The following PTPRZ1 variants were observed in gnomAD, a reference collection of about 807,000 sequenced individuals.
PTPRZ1 encodes receptor-type tyrosine-protein phosphatase zeta.
In PTPRZ1, 82 loss-of-function variants were observed where a neutral mutation model predicts 214.1. That is an observed-to-expected ratio of 0.38 (90% CI 0.32 to 0.46). The LOEUF is 0.46. Ranked by LOEUF, PTPRZ1 falls within the 20% of genes least tolerant of loss-of-function variation. The pLI, the probability that PTPRZ1 is intolerant of heterozygous loss-of-function variation, is 1.00. For missense variants in PTPRZ1, 2,603 were observed against 2,748.7 expected (o/e 0.95, Z 1.19); for synonymous variants, 945 against 987.9 (o/e 0.96, Z 0.81).
chr7:121,946,168 A>C (rs1271123791), intron 2 of PTPRZ1, among the ~76,000 whole-genome samples: 5 of 152,186 alleles, frequency 3.3e-5, no homozygotes, highest in African/African-American at 9.7e-5. Context: ...TTTCAACCAG[A>C]GAAATGGGAA....
intron 2 of PTPRZ1, among the ~76,000 whole-genome samples, chr7:121,938,816 T>C (rs1796163140): frequency 1.3e-5 from 2 of 152,226 alleles, no homozygotes; most frequent in Admixed American, 1.3e-4. Flanking sequence ...TTTTACTTTT[T>C]ATTTGTCCTT....
intron 1 of PTPRZ1, among the ~76,000 whole-genome samples, chr7:121,900,497 A>T (rs1794924908): frequency 6.6e-6 from 1 of 152,206 alleles, no homozygotes; most frequent in Admixed American, 6.5e-5. Context: ...TGAAGTCCTC[A>T]GCACCAGAGA....
At chr7:122,027,540 G>A (rs1799238286) in intron 13 of PTPRZ1, among the ~76,000 whole-genome samples, 2 of 152,172 alleles carry the variant, frequency 1.3e-5, no homozygotes, top group Admixed American at 1.3e-4. Flanking sequence ...TGAAGGTTTA[G>A]ATGGAAAGTG....
chr7:122,037,487 G>T (rs1354962890), intron 18 of PTPRZ1, among the ~76,000 whole-genome samples: 36 of 152,178 alleles, frequency 2.4e-4, no homozygotes, highest in African/African-American at 8.7e-4. Flanking sequence ...GGACTCTCCA[G>T]AGACTGTAGA....
At chr7:122,009,073 G>A (rs1167540957) in intron 11 of PTPRZ1, among the ~76,000 whole-genome samples, 1 of 151,974 alleles carries the variant, frequency 6.6e-6, no homozygotes, top group African/African-American at 2.4e-5. Flanking sequence ...ATTTTTCAAG[G>A]GAATCTGAGA....
chr7:122,060,890 G>A (rs372039563), intron 29 of PTPRZ1, among the ~76,000 whole-genome samples, 190 bp from the exon 30 acceptor site: 1 of 152,076 alleles, frequency 6.6e-6, no homozygotes, highest in Non-Finnish European at 1.5e-5. Flanking sequence ...ATGGTCTGCC[G>A]ATTGCAACGT....
Position 121,903,966 on chromosome 7 carries a change from T to TCACACACAGACACACACACA in PTPRZ1, c.59-24182_59-24181insGACACACACACACACACACA, listed in dbSNP as rs755394033. ...AGGATTCTGTTCCAGTCTTTAAATC[T>TCACACACAGACACACACACA]CACACACACACACACACACACACAC... On this transcript the variant is annotated intron_variant, in intron 1 of 29. Transcript: ENST00000393386. 4.8e-5 allele frequency among the ~76,000 whole-genome samples: 6 copies of TCACACACAGACACACACACA among 123,922 alleles called. No homozygotes were observed. In the South Asian group the frequency reaches 1.8e-3, roughly 36 times the overall value. The allele number at this position is 123,922 out of a possible 152,430, so 81.3% of individuals were successfully genotyped here.
At chr7:121,929,507 A>G (rs935215931) in intron 2 of PTPRZ1, among the ~76,000 whole-genome samples, 3 of 151,000 alleles carry the variant, frequency 2.0e-5, no homozygotes, top group Non-Finnish European at 4.4e-5. Context: ...GAGTAGGAAA[A>G]AAAAAAAAAA....
At chr7:121,962,206 TG>T (rs1796899001) in intron 2 of PTPRZ1, among the ~76,000 whole-genome samples, 1 of 152,110 alleles carries the variant, frequency 6.6e-6, no homozygotes, top group Non-Finnish European at 1.5e-5. Context: ...TCCCAGCATT[TG>T]GGAGGCTGAG....
Position 122,034,077 on chromosome 7 carries a change from C to T in PTPRZ1, c.5167-18C>T. 6.3e-7 allele frequency: 1 copy of T among 1,579,968 alleles called. No homozygotes were observed. The highest frequency in any genetic ancestry group is 1.7e-5 in the Admixed American group (1 of 59,246). On this transcript the variant is annotated intron_variant, in intron 15 of 29. Transcript: ENST00000393386. The stretch of plus-strand genomic sequence containing the variant: ...GAATTTGATTTCTTTACTTTTTTGG[C>T]ATTCATTCCCTCATTAGACACTGAA...
rs368081597 is a variant in PTPRZ1, at chr7:122,059,767, C to T, written c.6686C>T (p.Thr2229Met). ...TTTTTTACAAGGCATGGAGGAGTGA[C>T]GGCAGGAACTTTCTGTGCTCTGACA... ...MIVHDEHGGVTAGTFCALTTL... is the reference protein window; with the variant it reads ...MIVHDEHGGVMAGTFCALTTL... The change falls in exon 29 of 30, where the codon ACG becomes ATG. Residue 2229 changes from threonine (T) to methionine (M), a missense_variant. Around this residue, in one of 6 missense-constraint regions of PTPRZ1, gnomAD observed 165 missense variants for 151.4 expected, o/e 1.09. Coordinates refer to ENST00000393386, the MANE Select transcript of PTPRZ1 (RefSeq NM_002851.3). 3.9e-5 allele frequency: 62 copies of T among 1,610,050 alleles called. No homozygotes were observed. In the South Asian group the frequency reaches 4.7e-4, roughly 12 times the overall value.
chr7:121,900,670 G>T (rs1563008226), intron 1 of PTPRZ1, among the ~76,000 whole-genome samples: 1 of 152,122 alleles, frequency 6.6e-6, no homozygotes, highest in African/African-American at 2.4e-5. Context: ...TTATTCAGAC[G>T]CCTCTTCCTG....
intron 27 of PTPRZ1, among the ~76,000 whole-genome samples, chr7:122,056,817 T>C (rs1355745335): frequency 6.6e-6 from 1 of 151,900 alleles, no homozygotes; most frequent in African/African-American, 2.4e-5. Flanking sequence ...TTAGTGTTTA[T>C]TGTTCTCTTG....
chr7:121,982,864 C>G (rs1797654016), intron 6 of PTPRZ1, among the ~76,000 whole-genome samples: 1 of 152,058 alleles, frequency 6.6e-6, no homozygotes, highest in African/African-American at 2.4e-5. Context: ...ACCTCCGCCT[C>G]CCAGGTTCAA....
intron 8 of PTPRZ1, among the ~76,000 whole-genome samples, chr7:121,991,719 C>T (rs1035549830): frequency 6.6e-6 from 1 of 152,120 alleles, no homozygotes; most frequent in African/African-American, 2.4e-5. Flanking sequence ...ACTCTGGGTC[C>T]CTAAAGACTG....
At position 122,040,993 on chromosome 7, in the gene PTPRZ1, A is replaced by T. The variant is rs765033426; in HGVS notation, c.5801+14A>T. On this transcript the variant is annotated intron_variant, in intron 21 of 29. Transcript: ENST00000393386. ...CGTCCACTGCAGGTGAGTCTCAGAG[A>T]TGTGCCTCTAAACCCATAGAATTGC... 16 of 1,516,878 alleles carry T rather than the reference A, an allele frequency of 1.1e-5. No homozygotes were observed. Among genetic ancestry groups the T allele is most frequent in the Admixed American group, 9.9e-5 (5 of 50,466 alleles). The allele number at this position is 1,516,878 out of a possible 1,614,324, so 94.0% of individuals were successfully genotyped here.
rs1795996640 is a variant in PTPRZ1, at chr7:121,933,827, G to C, written c.124+5606G>C. On this transcript the variant is annotated intron_variant, in intron 2 of 29. Coordinates refer to ENST00000393386, the MANE Select transcript of PTPRZ1 (RefSeq NM_002851.3). ...AAAATTTGAATCCATGTAGAATAAT[G>C]ACGGATTTTTGGCCTTTCTTTAACT... is the stretch of plus-strand genomic sequence containing the variant. Among the ~76,000 whole-genome samples the C allele has an allele frequency of 2.0e-5, 3 of 152,262 alleles. No individual in the cohort carries two copies. In the South Asian group the frequency reaches 6.2e-4, roughly 32 times the overall value.
In PTPRZ1 at chr7:121,998,109, C is replaced by T. The variant is rs999009626; in HGVS notation, c.1240+103C>T. On this transcript the variant is annotated intron_variant, in intron 10 of 29. Transcript: ENST00000393386. ...TCTCTATATTCTTTTGGCCAAAAGGCAAAGTGATTTTCTCTTAAGTCTGGA... is the reference window on the plus strand; with the variant it reads ...TCTCTATATTCTTTTGGCCAAAAGGTAAAGTGATTTTCTCTTAAGTCTGGA... 2.3e-6 allele frequency: 3 copies of T among 1,318,172 alleles called. No homozygotes were observed. The African/African-American group carries it at 4.6e-5, about 20-fold the overall frequency. The allele number at this position is 1,318,172 out of a possible 1,614,324, so 81.7% of individuals were successfully genotyped here.
At chr7:121,997,592 T>C (rs887286941) in intron 9 of PTPRZ1, among the ~76,000 whole-genome samples, 4 of 151,724 alleles carry the variant, frequency 2.6e-5, no homozygotes, top group Admixed American at 1.3e-4. Context: ...TTTTAGTTTG[T>C]AGTACTAATT....
Sources: allele counts gnomAD v4.1 joint callset (sites outside exome capture counted in the v4.1 genomes callset), GRCh38; gene constraint gnomAD v4.1.1; regional missense constraint gnomAD v4.1.1; transcripts MANE v1.5; gene names NCBI Gene and HGNC (gene_info 2026-07-23, HGNC 2026-07-21).